The following AARS2 variants were observed in gnomAD, a reference collection of about 807,000 sequenced individuals.
AARS2 encodes alanine--tRNA ligase, mitochondrial.
In AARS2, 78 loss-of-function variants were observed where a neutral mutation model predicts 119.7. The ratio of observed to expected loss-of-function variants is 0.65; its 90% CI spans 0.54 to 0.79. AARS2 has a LOEUF of 0.79. Ranked by LOEUF, AARS2 falls within the 30% of genes least tolerant of loss-of-function variation. AARS2 has a pLI of 0.00. For missense variants in AARS2, 1,157 were observed against 1,291.3 expected (o/e 0.90, Z 1.59); for synonymous variants, 502 against 526.3 (o/e 0.95, Z 0.63).
rs1785756296 is a variant in AARS2 at position 44,305,406 on chromosome 6, C to T, written c.1435-208G>A. Among the ~76,000 whole-genome samples the T allele has an allele frequency of 6.6e-6, 1 of 152,198 alleles. No homozygotes were observed. The highest frequency in any genetic ancestry group is 2.1e-4 in the South Asian group (1 of 4,836). ...GGCTCCTCGGGATTAGGCCTTCCTG[C>T]CCACTGCTGCCCCTGGAGGGCCCCT... On this transcript the variant is annotated intron_variant, in intron 10 of 21. Coordinates refer to ENST00000244571, the MANE Select transcript of AARS2 (RefSeq NM_020745.4). This position sits in a 1 kb window ranked among gnomAD's most constrained non-coding sequence, Gnocchi z 4.6.
chr6:44,309,347 CA>C (rs1786155286), intron 5 of AARS2, among the ~76,000 whole-genome samples: 1 of 152,180 alleles, frequency 6.6e-6, no homozygotes, highest in Non-Finnish European at 1.5e-5. Flanking sequence ...CACACAAGAC[CA>C]AAGAATGAGC....
In AARS2 at chr6:44,304,770, C is replaced by G. The variant is rs764982273; in HGVS notation, c.1627G>C (p.Gly543Arg). The G allele has an allele frequency of 2.5e-6, 4 of 1,614,100 alleles. No individual in the cohort carries two copies. The Admixed American group carries it at 6.7e-5, about 27-fold the overall frequency. The change falls in exon 12 of 22, where the codon GGG (glycine) becomes CGG (arginine). Residue 543 changes from glycine to arginine, a missense_variant. Gly to Arg is a moderately radical substitution (Grantham distance 125). Transcript: ENST00000244571. Reference sequence around the variant, plus strand: ...TTCCCCACGGAGGCCACTGCTGTCCCGTCCTCTGTATACAGTTGCAACACC... The same window carrying G: ...TTCCCCACGGAGGCCACTGCTGTCCGGTCCTCTGTATACAGTTGCAACACC... ...AQVLQLYTED[G>R]TAVASVGKGQ...
At position 44,313,278 on chromosome 6, in the gene AARS2, T is replaced by A. The variant is rs749688690; in HGVS notation, c.46A>T (p.Ile16Phe). 1 of 1,597,260 alleles carries A rather than the reference T, an allele frequency of 6.3e-7. No homozygotes were observed. The highest frequency in any genetic ancestry group is 8.5e-7 in the Non-Finnish European group (1 of 1,175,964). Residue 16 changes from isoleucine to phenylalanine, a missense_variant, in exon 1 of 22, where the codon ATT becomes TTT. Transcript: ENST00000244571. ...CCCCGCCATGCGGGCGACCTTCGAA[T>A]GGCCCGCCGCAGCCTCCGGGCTGCA... The part of the protein sequence containing the change: ...AAAARRLRRA[I>F]RRSPAWRGLS...
At chr6:44,303,553 G>T (rs1255562670) in intron 14 of AARS2, 130 bp from the exon 15 acceptor site, 13 of 1,375,088 alleles carry the variant, frequency 9.5e-6, no homozygotes, top group Non-Finnish European at 1.3e-5. Flanking sequence ...GCACATAATA[G>T]GTGCTCAATA....
chr6:44,311,566 G>T (rs1214808797), intron 2 of AARS2, 31 bp from the exon 3 acceptor site: 1 of 1,572,962 alleles, frequency 6.4e-7, no homozygotes, highest in East Asian at 2.2e-5. Flanking sequence ...GGGTGGGGGG[G>T]GAAGACGGGT....
chr6:44,309,581 C>T (rs2153356562), intron 5 of AARS2, among the ~76,000 whole-genome samples: 1 of 152,326 alleles, frequency 6.6e-6, no homozygotes, highest in East Asian at 1.9e-4. Flanking sequence ...AAGCTACACA[C>T]ATGTGGAAAT....
intron 16 of AARS2, 47 bp downstream of exon 16, chr6:44,303,019 C>T (rs1295208101): frequency 3.1e-6 from 5 of 1,609,942 alleles, no homozygotes; most frequent in Middle Eastern, 1.7e-4. Context: ...AAGGGAAGGG[C>T]AAGGATCCGG....
In AARS2 at chr6:44,301,188, C is replaced by G; in HGVS notation, c.2761G>C (p.Gly921Arg). 1 of 1,613,768 alleles carries G rather than the reference C, an allele frequency of 6.2e-7. No individual in the cohort carries two copies. The highest frequency in any genetic ancestry group is 8.5e-7 in the Non-Finnish European group (1 of 1,179,972). The part of the protein sequence containing the change: ...SVLLLSPQPM[G>R]KVLCACQVAQ... The stretch of plus-strand genomic sequence containing the variant: ...ACCTGACAGGCACACAGCACCTTCC[C>G]CATGGGCTGGGGGCTGAGTAGGAGC... Residue 921 changes from glycine (G) to arginine (R), a missense_variant, in exon 21 of 22, where the codon GGG (glycine) becomes CGG (arginine). Coordinates refer to ENST00000244571, the MANE Select transcript of AARS2 (RefSeq NM_020745.4).
At chr6:44,306,431 G>A (rs749069237) in intron 8 of AARS2, 40 bp from the exon 9 acceptor site, 2 of 1,613,890 alleles carry the variant, frequency 1.2e-6, no homozygotes, top group East Asian at 4.5e-5. Flanking sequence ...GGTCTCCTTG[G>A]AAGGAGGGTC....
intron 19 of AARS2, among the ~76,000 whole-genome samples, chr6:44,301,737 C>G (rs780840397): frequency 2.0e-5 from 3 of 152,194 alleles, no homozygotes; most frequent in East Asian, 1.9e-4. Flanking sequence ...GGAGGAAGGT[C>G]AGAGCACAGA....
intron 5 of AARS2, among the ~76,000 whole-genome samples, chr6:44,309,760 C>T (rs1480060584): frequency 6.6e-6 from 1 of 152,124 alleles, no homozygotes; most frequent in East Asian, 1.9e-4. Context: ...TACCAAGGCC[C>T]TTGGTACCTG....
chr6:44,303,255 G>A (rs371595713), intron 15 of AARS2, 31 bp downstream of exon 15: 20 of 1,613,952 alleles, frequency 1.2e-5, no homozygotes, highest in East Asian at 2.2e-5. Flanking sequence ...GGAGGCCCCC[G>A]ATCTCCAGCA....
chr6:44,304,312 G>A lies in AARS2; in HGVS notation c.1876C>T (p.Leu626=). Residue 626 remains leucine (L), a synonymous_variant, in exon 14 of 22, where the codon CTA becomes TTA. Coordinates refer to ENST00000244571, the MANE Select transcript of AARS2 (RefSeq NM_020745.4). Reference sequence around the variant, plus strand: ...GCCGTATGCTTCGCCATGCAGCCTAGACGCCAGGCCTGAAATACTTTTGTC... The same window carrying A: ...GCCGTATGCTTCGCCATGCAGCCTAAACGCCAGGCCTGAAATACTTTTGTC... ...VQLHVDEAWR[L]GCMAKHTATH... 1 of 1,614,234 alleles carries A rather than the reference G, an allele frequency of 6.2e-7. No homozygotes were observed.
chr6:44,310,541 A>C, intron 4 of AARS2, 98 bp from the exon 5 acceptor site: 1 of 1,504,002 alleles, frequency 6.6e-7, no homozygotes, highest in Non-Finnish European at 9.1e-7. Flanking sequence ...GGCCCAAGGG[A>C]GCTGACAGTG....
chr6:44,302,833 A>G lies in AARS2; in HGVS notation c.2333T>C (p.Leu778Pro). ...DRQLSKGTTR[L>P]LAVTGEQAQQ... ...GGCCTGCTCCCCAGTGACGGCCAGC[A>G]GGCGGGTAGTGCCCTTGGAAAGCTG... Residue 778 changes from leucine to proline, a missense_variant, in exon 17 of 22, where the codon CTG becomes CCG. Physicochemically the swap from Leu to Pro is moderately conservative, Grantham distance 98 (BLOSUM62 -3). Coordinates refer to ENST00000244571, the MANE Select transcript of AARS2 (RefSeq NM_020745.4). 6.2e-7 allele frequency: 1 copy of G among 1,614,010 alleles called. No homozygotes were observed. The highest frequency in any genetic ancestry group is 8.5e-7 in the Non-Finnish European group (1 of 1,180,004).
At chr6:44,310,496 G>A in intron 4 of AARS2, 53 bp from the exon 5 acceptor site, 1 of 1,606,180 alleles carries the variant, frequency 6.2e-7, no homozygotes, top group Non-Finnish European at 8.5e-7. Context: ...ACAGGTGTGA[G>A]ACAGATGCCC....
rs1223703136 is a variant in AARS2 at position 44,299,450 on chromosome 6, T to G, written c.*1097A>C. On this transcript the variant is annotated 3_prime_UTR_variant, in exon 22 of 22. Transcript: ENST00000244571. ...TAAAGATTACTTTTTTTTTTTTTTG[T>G]AGACAGGGTCTTGCTGTTTGCGCAG... Among the ~76,000 whole-genome samples the G allele has an allele frequency of 1.3e-5, 2 of 151,454 alleles. No homozygotes were observed. Among genetic ancestry groups the G allele is most frequent in the South Asian group, 2.1e-4 (1 of 4,770 alleles).
rs140408107 is a variant in AARS2 at position 44,304,752 on chromosome 6, C to T, written c.1645G>A (p.Val549Met). 82 of 1,614,242 alleles carry T rather than the reference C, an allele frequency of 5.1e-5. No individual in the cohort carries two copies. The African/African-American group carries it at 9.3e-4, about 18-fold the overall frequency. The change falls in exon 12 of 22, where the codon GTG (valine) becomes ATG (methionine). Residue 549 changes from valine (V) to methionine (M), a missense_variant. By Grantham distance (21) the Val-to-Met change is conservative. Coordinates refer to ENST00000244571, the MANE Select transcript of AARS2 (RefSeq NM_020745.4). ...AGGCCACAGCGCTGGCCTTTCCCCACGGAGGCCACTGCTGTCCCGTCCTCT... is the reference window on the plus strand; with the variant it reads ...AGGCCACAGCGCTGGCCTTTCCCCATGGAGGCCACTGCTGTCCCGTCCTCT... ...YTEDGTAVASVGKGQRCGLLL... is the reference protein window; with the variant it reads ...YTEDGTAVASMGKGQRCGLLL...
At chr6:44,311,611 T>C (rs1041930630) in intron 2 of AARS2, 76 bp from the exon 3 acceptor site, 30 of 1,545,200 alleles carry the variant, frequency 1.9e-5, no homozygotes, top group Non-Finnish European at 2.6e-5. Flanking sequence ...TCAAGCCACA[T>C]GAGTTTAGCT....
Sources: allele counts gnomAD v4.1 joint callset (sites outside exome capture counted in the v4.1 genomes callset), GRCh38; gene constraint gnomAD v4.1.1; non-coding constraint Gnocchi (gnomAD v3.1); transcripts MANE v1.5; gene names NCBI Gene and HGNC (gene_info 2026-07-23, HGNC 2026-07-21).